Variants in AGMO observed in about 807,000 individuals in gnomAD.
AGMO encodes the protein alkylglycerol monooxygenase, also known as glyceryl-ether monooxygenase.
AGMO carries 75 observed loss-of-function variants against 60.2 expected under a neutral mutation model. The ratio of observed to expected loss-of-function variants is 1.25; its 90% CI spans 1.03 to 1.51. The LOEUF (loss-of-function observed/expected upper bound fraction) is 1.51. AGMO is among the 40% of genes most tolerant of loss of function. The probability of loss-of-function intolerance (pLI) is 0.00; values close to 1 mark genes in which losing one functional copy is unlikely to be tolerated. For synonymous variants in AGMO, 261 were observed against 177.1 expected, an observed-to-expected ratio of 1.47 and a Z score of -3.76; for missense variants, 763 against 525.5, an observed-to-expected ratio of 1.45 and a Z score of -4.42.
intron 3 of AGMO, among the ~76,000 whole-genome samples, chr7:15,457,279 T>C (rs990914614): frequency 6.6e-6 from 1 of 152,186 alleles, no homozygotes; most frequent in South Asian, 2.1e-4. Context: ...TAAATGCATA[T>C]TTCCCTTTTT....
At chr7:15,252,178 T>C (rs1782957343) in intron 12 of AGMO, among the ~76,000 whole-genome samples, 1 of 152,250 alleles carries the variant, frequency 6.6e-6, no homozygotes, top group Middle Eastern at 3.4e-3. Context: ...ATAAATTATA[T>C]AGTATGTAAG....
chr7:15,358,327 T>G (rs977040700), intron 12 of AGMO: 1 of 441,200 alleles, frequency 2.3e-6, no homozygotes, highest in Non-Finnish European at 4.7e-6. Context: ...GGCAGCAAAT[T>G]GTTAACCTTG....
At chr7:15,436,312 T>A (rs950032374) in intron 3 of AGMO, among the ~76,000 whole-genome samples, 3 of 89,230 alleles carry the variant, frequency 3.4e-5, no homozygotes, top group African/African-American at 1.4e-4. Flanking sequence ...ATCAAGGCAC[T>A]GGTAGGTTAG....
chr7:15,228,892 A>T (rs1427324824), intron 12 of AGMO, among the ~76,000 whole-genome samples: 1 of 152,128 alleles, frequency 6.6e-6, no homozygotes, highest in Admixed American at 6.6e-5. Flanking sequence ...ATATTTACGC[A>T]GTGGTCCAAT....
At chr7:15,127,185 T>C in the AGMO span, among the ~76,000 whole-genome samples, 6 of 152,112 alleles carry the variant, frequency 3.9e-5, no homozygotes, top group Admixed American at 1.3e-4. Flanking sequence ...CTCGGGCACA[T>C]GTTCTCAGGA....
chr7:15,463,972 CTG>C (rs1312067002), intron 3 of AGMO, among the ~76,000 whole-genome samples: 3 of 152,136 alleles, frequency 2.0e-5, no homozygotes. Context: ...ATAGGGCTGA[CTG>C]AAATTTTGAG....
chr7:15,322,659 T>A (rs1236816404), intron 12 of AGMO, among the ~76,000 whole-genome samples: 10 of 77,338 alleles, frequency 1.3e-4, no homozygotes, highest in African/African-American at 3.9e-4. Context: ...AATATATATA[T>A]AAATATATAT....
At chr7:15,420,541 G>C (rs1228193013) in intron 4 of AGMO, among the ~76,000 whole-genome samples, 5 of 152,040 alleles carry the variant, frequency 3.3e-5, no homozygotes, top group Admixed American at 1.3e-4. Flanking sequence ...TACTGTTCTA[G>C]AAAAAGAATC....
chr7:15,560,426 T>A (rs572733430), intron 1 of AGMO, among the ~76,000 whole-genome samples, 155 bp from the exon 2 acceptor site: 3 of 152,146 alleles, frequency 2.0e-5, no homozygotes, highest in Non-Finnish European at 2.9e-5. Flanking sequence ...TCCTACACAG[T>A]GGTAAAGAAG....
At chr7:15,298,331 C>T (rs563884753) in intron 12 of AGMO, among the ~76,000 whole-genome samples, 1 of 152,080 alleles carries the variant, frequency 6.6e-6, no homozygotes, top group African/African-American at 2.4e-5. Flanking sequence ...TTCAATCATT[C>T]AACCAATGTG....
intron 12 of AGMO, among the ~76,000 whole-genome samples, chr7:15,354,415 T>TGTATAGAC (rs1782406573): frequency 2.6e-4 from 6 of 23,090 alleles, no homozygotes; most frequent in African/African-American, 5.2e-4. Context: ...TACACACGTG[T>TGTATAGAC]GTGTATACAC....
chr7:15,264,329 A>G (rs529426089), intron 12 of AGMO, among the ~76,000 whole-genome samples: 20 of 152,042 alleles, frequency 1.3e-4, no homozygotes, highest in Admixed American at 3.3e-4. Flanking sequence ...TAATTGCCAT[A>G]TATTCTATCT....
intron 2 of AGMO, among the ~76,000 whole-genome samples, chr7:15,551,592 T>C (rs372566553): frequency 4.2e-4 from 64 of 150,728 alleles, no homozygotes; most frequent in Admixed American, 1.3e-3. Context: ...AATAAAATAC[T>C]TAGGAATCCA....
intron 12 of AGMO, among the ~76,000 whole-genome samples, chr7:15,264,332 T>G (rs1783369661): frequency 6.6e-6 from 1 of 151,926 alleles, no homozygotes; most frequent in Non-Finnish European, 1.5e-5. Flanking sequence ...TTGCCATATA[T>G]TCTATCTTAA....
chr7:15,406,276 G>A (rs1784683594), intron 5 of AGMO, among the ~76,000 whole-genome samples: 3 of 137,430 alleles, frequency 2.2e-5, no homozygotes, highest in Admixed American at 7.4e-5. Flanking sequence ...AAGTATACAT[G>A]TACACATATG....
intron 10 of AGMO, among the ~76,000 whole-genome samples, chr7:15,372,905 G>A (rs1303010944): frequency 6.6e-6 from 1 of 152,188 alleles, no homozygotes; most frequent in East Asian, 1.9e-4. Context: ...GAAAGCATTT[G>A]GGAAAGATCA....
the AGMO span, among the ~76,000 whole-genome samples, chr7:15,192,320 G>T: frequency 1.3e-5 from 2 of 151,824 alleles, no homozygotes; most frequent in African/African-American, 4.8e-5. Context: ...AAGCAAAAGA[G>T]TGGAAGAGTG....
intron 12 of AGMO, among the ~76,000 whole-genome samples, chr7:15,247,231 G>T (rs571126035): frequency 6.6e-6 from 1 of 151,748 alleles, no homozygotes; most frequent in African/African-American, 2.4e-5. Flanking sequence ...ATGCTAAACA[G>T]CTATTTAAAA....
At chr7:15,497,651 C>T (rs1447657461) in intron 3 of AGMO, among the ~76,000 whole-genome samples, 1 of 151,886 alleles carries the variant, frequency 6.6e-6, no homozygotes, top group African/African-American at 2.4e-5. Context: ...AACACTAAAG[C>T]TCACACAAGA....
Sources: allele counts gnomAD v4.1 joint callset (sites outside exome capture counted in the v4.1 genomes callset), GRCh38; gene constraint gnomAD v4.1.1; transcripts MANE v1.5; gene names NCBI Gene and HGNC (gene_info 2026-07-23, HGNC 2026-07-21).